The following LAMB1 variants were observed in gnomAD, a reference collection of about 807,000 sequenced individuals.
LAMB1 encodes the protein laminin subunit beta 1, also known as laminin subunit beta-1.
A neutral mutation model predicts 222.3 loss-of-function variants in LAMB1; 121 were observed. The ratio of observed to expected loss-of-function variants is 0.54; its 90% CI spans 0.47 to 0.63. LAMB1 has a LOEUF of 0.63. Among genes scored for constraint, LAMB1 ranks in the 30% least tolerant of loss-of-function variants. The probability of loss-of-function intolerance (pLI) is 0.00; values close to 1 mark genes in which losing one functional copy is unlikely to be tolerated. For synonymous variants in LAMB1, 794 were observed against 807.2 expected (o/e 0.98, Z 0.28); for missense variants, 2,172 against 2,240.8 (o/e 0.97, Z 0.62).
Position 107,980,705 on chromosome 7 carries a change from T to G in LAMB1, c.783A>C (p.Ala261=), listed in dbSNP as rs2033955448. The G allele has an allele frequency of 1.2e-6, 2 of 1,613,790 alleles. No individual in the cohort carries two copies. The highest frequency in any genetic ancestry group is 1.7e-6 in the Non-Finnish European group (2 of 1,179,674). The change falls in exon 8 of 34, where the codon GCA becomes GCC. Residue 261 remains alanine (A), a synonymous_variant. Coordinates refer to ENST00000222399, the MANE Select transcript of LAMB1 (RefSeq NM_002291.3). ...RMEIREKYYY[A]VYDMVVRGNC... is the part of the protein sequence containing the mutation. The stretch of plus-strand genomic sequence containing the variant: ...TTCCTCGAACCACCATATCATAAAC[T>G]GCATAATAATACTTTTCTCTGATTT...
chr7:107,948,848 A>G (rs966995419), intron 24 of LAMB1, among the ~76,000 whole-genome samples: 2 of 152,196 alleles, frequency 1.3e-5, no homozygotes, highest in Non-Finnish European at 2.9e-5. Context: ...TAGGCAAACC[A>G]TAAAGCCATG....
At chr7:107,931,544 T>C (rs1215005952) in intron 28 of LAMB1, 44 bp from the exon 29 acceptor site, 1 of 1,557,174 alleles carries the variant, frequency 6.4e-7, no homozygotes, top group Non-Finnish European at 8.8e-7. Flanking sequence ...TTTCATTCTT[T>C]CTAAAGGAGA....
intron 18 of LAMB1, 41 bp downstream of exon 18, chr7:107,960,404 G>T: frequency 6.6e-7 from 1 of 1,512,892 alleles, no homozygotes; most frequent in Non-Finnish European, 9.2e-7. Context: ...TATACTCAGA[G>T]CCAGAAACAG....
At chr7:108,000,843 C>G (rs767414047) in intron 3 of LAMB1, among the ~76,000 whole-genome samples, 1 of 152,348 alleles carries the variant, frequency 6.6e-6, no homozygotes, top group South Asian at 2.1e-4. Flanking sequence ...TTGCTCCCGG[C>G]CAGCCTCCTT....
Position 107,935,438 on chromosome 7 carries a change from C to A in LAMB1, c.4165G>T (p.Asp1389Tyr). The change falls in exon 27 of 34, where the codon GAC (aspartate) becomes TAC (tyrosine). Residue 1389 changes from aspartate (D) to tyrosine (Y), a missense_variant. Transcript: ENST00000222399. ...DELAGKLQSL[D>Y]LSAAAEMTCG... is the part of the protein sequence containing the mutation. Reference sequence around the variant, plus strand: ...ACCATTTCGGCAGCGGCTGAAAGGTCTAGGCTTTGTAGCTTGCCTGCCAGT... The same window carrying A: ...ACCATTTCGGCAGCGGCTGAAAGGTATAGGCTTTGTAGCTTGCCTGCCAGT... 2 of 1,524,622 alleles carry A rather than the reference C, an allele frequency of 1.3e-6. No homozygotes were observed. Among genetic ancestry groups the A allele is most frequent in the Non-Finnish European group, 1.8e-6 (2 of 1,130,390 alleles). 94.4% of individuals were successfully genotyped at this position (1,524,622 alleles called of 1,614,324 possible).
intron 24 of LAMB1, among the ~76,000 whole-genome samples, chr7:107,942,898 TATTA>T (rs990673219): frequency 4.6e-5 from 7 of 152,340 alleles, no homozygotes; most frequent in East Asian, 1.9e-4. Flanking sequence ...AAGTTTAGAA[TATTA>T]ATTCCTCAAC....
intron 5 of LAMB1, among the ~76,000 whole-genome samples, chr7:107,987,936 G>A (rs1445120054): frequency 6.6e-6 from 1 of 152,150 alleles, no homozygotes; most frequent in East Asian, 1.9e-4. Context: ...AAGGAAAAGA[G>A]AACACTAAAA....
rs1188565559 is a variant in LAMB1 at position 107,997,652 on chromosome 7, A to AG, written c.349+704_349+705insC. Among the ~76,000 whole-genome samples, 181 of 152,340 alleles carry AG rather than the reference A, an allele frequency of 1.2e-3. 1 individual carries two copies. The highest frequency in any genetic ancestry group is 3.6e-3 in the African/African-American group (149 of 41,572). Reference sequence around the variant, plus strand: ...TTTAAAGATCTAACAGTACATTGTTAATTAACGAACACAATAACTCTACCT... The same window carrying AG: ...TTTAAAGATCTAACAGTACATTGTTAGATTAACGAACACAATAACTCTACCT... On this transcript the variant is annotated intron_variant, in intron 4 of 33. Transcript: ENST00000222399.
rs148053114 is a variant in LAMB1, at chr7:107,997,255, C to G, written c.349+1102G>C. Reference sequence around the variant, plus strand: ...TGGCTAACACCGTGAAACCCCACCTCTACTAAAAATACAAAAAATTAGCTG... The same window carrying G: ...TGGCTAACACCGTGAAACCCCACCTGTACTAAAAATACAAAAAATTAGCTG... On this transcript the variant is annotated intron_variant, in intron 4 of 33. Transcript: ENST00000222399. Among the ~76,000 whole-genome samples, 494 of 152,168 alleles carry G rather than the reference C, an allele frequency of 3.2e-3. 2 individuals are homozygous for G. The highest frequency in any genetic ancestry group is 0.012 in the African/African-American group (479 of 41,512).
At chr7:107,983,162 G>C (rs1309890665) in intron 7 of LAMB1, among the ~76,000 whole-genome samples, 1 of 152,214 alleles carries the variant, frequency 6.6e-6, no homozygotes, top group Non-Finnish European at 1.5e-5. Context: ...TTACAGACCA[G>C]AGACAGGCTG....
rs115513162 is a variant in LAMB1, at chr7:107,979,166, T to C, written c.880-999A>G. On this transcript the variant is annotated intron_variant, in intron 8 of 33. Transcript: ENST00000222399. ...CATTAGCTACACAGCTGATTTGTTA[T>C]GCCGTAAAGGGAACATAATCTACCT... Among the ~76,000 whole-genome samples the C allele has an allele frequency of 7.9e-3, 1,205 of 152,328 alleles. 23 individuals are homozygous for C. The highest frequency in any genetic ancestry group is 0.027 in the African/African-American group (1,137 of 41,558).
Position 107,953,612 on chromosome 7 carries a change from C to G in LAMB1, c.2997G>C (p.Lys999Asn). ...GTTCCCCTTCCGTGTGGTACAGGCA[C>G]TTGAGACACCTCCCAGTCTCCTTGT... ...ACDKETGRCL[K>N]CLYHTEGEHC... Residue 999 changes from lysine (K) to asparagine (N), a missense_variant, in exon 22 of 34, where the codon AAG becomes AAC. Physicochemically the swap from Lys to Asn is moderately conservative, Grantham distance 94. Transcript: ENST00000222399. 1 of 1,614,198 alleles carries G rather than the reference C, an allele frequency of 6.2e-7. No individual in the cohort carries two copies. Among genetic ancestry groups the G allele is most frequent in the Non-Finnish European group, 8.5e-7 (1 of 1,180,028 alleles).
At chr7:107,964,046 G>A (rs1359669517) in intron 14 of LAMB1, among the ~76,000 whole-genome samples, 1 of 152,214 alleles carries the variant, frequency 6.6e-6, no homozygotes, top group East Asian at 1.9e-4. Flanking sequence ...GTGGTGAGCT[G>A]AGATAGTGCC....
At chr7:107,929,238 G>C in intron 30 of LAMB1, 33 bp from the exon 31 acceptor site, 1 of 1,610,928 alleles carries the variant, frequency 6.2e-7, no homozygotes. Flanking sequence ...GTATATTGTT[G>C]CTGAACATGA....
At chr7:107,972,450 C>T (rs1268606570) in intron 13 of LAMB1, among the ~76,000 whole-genome samples, 1 of 152,182 alleles carries the variant, frequency 6.6e-6, no homozygotes, top group Non-Finnish European at 1.5e-5. Flanking sequence ...TAAACTCCCA[C>T]AGATTTAACA....
chr7:108,002,317 C>T (rs1214986262), intron 2 of LAMB1: 1 of 1,313,370 alleles, frequency 7.6e-7, no homozygotes, highest in Non-Finnish European at 1.0e-6. Context: ...AGCCCATGGA[C>T]AGTCCCTGGG....
intron 2 of LAMB1, 118 bp downstream of exon 2, chr7:108,002,731 T>C (rs2034415072): frequency 1.4e-6 from 2 of 1,397,476 alleles, no homozygotes; most frequent in Admixed American, 4.1e-5. Context: ...GGGCGTCATT[T>C]CCATCCAGTC....
intron 29 of LAMB1, 122 bp from the exon 30 acceptor site, chr7:107,929,741 C>A: frequency 2.7e-6 from 2 of 739,962 alleles, no homozygotes; most frequent in South Asian, 3.5e-5. Context: ...GAGACACTAA[C>A]TTCCTGTTTA....
intron 9 of LAMB1, among the ~76,000 whole-genome samples, chr7:107,976,630 AG>A (rs1312419698): frequency 6.6e-6 from 1 of 152,158 alleles, no homozygotes; most frequent in African/African-American, 2.4e-5. Context: ...CCTGCAGAAG[AG>A]GGACTGTGTC....
Sources: allele counts gnomAD v4.1 joint callset (sites outside exome capture counted in the v4.1 genomes callset), GRCh38; gene constraint gnomAD v4.1.1; transcripts MANE v1.5; gene names NCBI Gene and HGNC (gene_info 2026-07-23, HGNC 2026-07-21).